Variants in CACNA2D4 observed in about 807,000 individuals in gnomAD.
CACNA2D4 encodes calcium voltage-gated channel auxiliary subunit alpha2delta 4, also known as voltage-dependent calcium channel subunit alpha-2/delta-4.
In CACNA2D4, 157 loss-of-function variants were observed where a neutral mutation model predicts 163.8. The ratio of observed to expected loss-of-function variants is 0.96; its 90% confidence interval spans 0.84 to 1.09. The LOEUF is 1.09. CACNA2D4 is among the 50% of genes least tolerant of loss of function. The probability of loss-of-function intolerance (pLI) is 0.00; values close to 1 mark genes in which losing one functional copy is unlikely to be tolerated. For synonymous variants in CACNA2D4, 598 were observed against 586.9 expected, an observed-to-expected ratio of 1.02 and a Z score of -0.27; for missense variants, 1,410 against 1,479.9, an observed-to-expected ratio of 0.95 and a Z score of 0.78.
In CACNA2D4 at chr12:1,844,508, G is replaced by A. The variant is rs755249762; in HGVS notation, c.2364C>T (p.Asp788=). The A allele has an allele frequency of 2.4e-5, 39 of 1,612,914 alleles. No homozygotes were observed. The Admixed American group carries it at 2.5e-4, about 10-fold the overall frequency. ...GGTCCAGGGTGAACACGCTGGCCTC[G>A]TCCTCAGGTGTCAGGAACTTCCTGC... ...VSDRKFLTPE[D]EASVFTLDRF... The change falls in exon 25 of 38, where the codon GAC becomes GAT. Residue 788 remains aspartate, a synonymous_variant. Transcript: ENST00000382722. This position sits in a 1 kb window ranked among gnomAD's most constrained non-coding sequence, Gnocchi z 4.2.
chr12:1,858,621 C>T lies in CACNA2D4; in HGVS notation c.1964G>A (p.Gly655Asp). The T allele has an allele frequency of 6.2e-7, 1 of 1,610,514 alleles. No homozygotes were observed. Among genetic ancestry groups the T allele is most frequent in the South Asian group, 1.1e-5 (1 of 90,424 alleles). Residue 655 changes from glycine (G) to aspartate (D), a missense_variant, in exon 20 of 38, where the codon GGC becomes GAC. Coordinates refer to ENST00000382722, the MANE Select transcript of CACNA2D4 (RefSeq NM_172364.5). ...PFSLGVVLSRGHGEYILLGNT... is the reference protein window; with the variant it reads ...PFSLGVVLSRDHGEYILLGNT... ...CCCCAGAAGGATGTATTCTCCGTGG[C>T]CCCGGGACAGCACCACCCCCAAACT...
chr12:1,848,531 C>T (rs760765933), intron 23 of CACNA2D4, among the ~76,000 whole-genome samples: 6 of 152,080 alleles, frequency 3.9e-5, no homozygotes, highest in South Asian at 4.1e-4. Flanking sequence ...TTTATTTTTA[C>T]CCGAAATATC....
intron 2 of CACNA2D4, 141 bp from the exon 3 acceptor site, chr12:1,913,280 C>A: frequency 1.5e-6 from 1 of 669,462 alleles, no homozygotes. Context: ...TGAGGCCCAG[C>A]CCTCTCCTCC....
In CACNA2D4 at chr12:1,858,656, GAA is replaced by G. The variant is rs751559280; in HGVS notation, c.1941-14_1941-13del. 5.8e-5 allele frequency: 92 copies of G among 1,582,866 alleles called. No individual in the cohort carries two copies. The highest frequency in any genetic ancestry group is 7.7e-5 in the Non-Finnish European group (90 of 1,161,984). On this transcript the variant is annotated splice_polypyrimidine_tract_variant and intron_variant, in intron 19 of 37. Coordinates refer to ENST00000382722, the MANE Select transcript of CACNA2D4 (RefSeq NM_172364.5). ...GCACCACCCCCAAACTGTGGGGAGA[GAA>G]GAGAAGGCACTCATTCAGCAGCAGC...
Position 1,798,636 on chromosome 12 carries a change from C to T in CACNA2D4, c.2995+1039G>A, listed in dbSNP as rs191479579. 2.0e-5 allele frequency among the ~76,000 whole-genome samples: 3 copies of T among 152,294 alleles called. No individual in the cohort carries two copies. The East Asian group carries it at 5.8e-4, about 29-fold the overall frequency. On this transcript the variant is annotated intron_variant, in intron 34 of 37. Transcript: ENST00000382722. This position sits in a 1 kb window ranked among gnomAD's most constrained non-coding sequence, Gnocchi z 4.3. Reference sequence around the variant, plus strand: ...GCAGCACCTACGCCCCGGCCTGGGACTCCAAGTCCAGTGCGCCTTCACTGG... The same window carrying T: ...GCAGCACCTACGCCCCGGCCTGGGATTCCAAGTCCAGTGCGCCTTCACTGG...
rs1004933825 is a variant in CACNA2D4, at chr12:1,828,374, G to A, written c.2551+12365C>T. 1.3e-5 allele frequency among the ~76,000 whole-genome samples: 2 copies of A among 152,348 alleles called. No homozygotes were observed. The highest frequency in any genetic ancestry group is 2.4e-5 in the African/African-American group (1 of 41,586). On this transcript the variant is annotated intron_variant, in intron 26 of 37. Coordinates refer to ENST00000382722, the MANE Select transcript of CACNA2D4 (RefSeq NM_172364.5). This position sits in a 1 kb window ranked among gnomAD's most constrained non-coding sequence, Gnocchi z 4.2. The stretch of plus-strand genomic sequence containing the variant: ...CGAGGCTATGTTCTGGGAAGCCAGG[G>A]TCACGCCCACGGTGACAGCATCCCT...
intron 26 of CACNA2D4, chr12:1,831,581 C>T: frequency 7.0e-6 from 10 of 1,418,790 alleles, no homozygotes; most frequent in Non-Finnish European, 4.9e-6. Flanking sequence ...ACCTCTGGCC[C>T]CACACTTTCC....
intron 18 of CACNA2D4, among the ~76,000 whole-genome samples, chr12:1,860,621 G>A (rs1254306251): frequency 1.3e-5 from 2 of 152,204 alleles, no homozygotes; most frequent in African/African-American, 2.4e-5. Context: ...CTAGAGGGTT[G>A]AGGTTGGGGC....
intron 23 of CACNA2D4, among the ~76,000 whole-genome samples, chr12:1,852,135 T>G (rs1865296650): frequency 6.6e-6 from 1 of 152,232 alleles, no homozygotes; most frequent in Non-Finnish European, 1.5e-5. Context: ...TTAATTCTTC[T>G]GGGGTTTCCA....
At chr12:1,837,405 G>A (rs1864904736) in intron 26 of CACNA2D4, among the ~76,000 whole-genome samples, 2 of 152,134 alleles carry the variant, frequency 1.3e-5, no homozygotes, top group South Asian at 2.1e-4. Flanking sequence ...GGTGGGCCCC[G>A]GAATTACGGA....
intron 1 of CACNA2D4, 131 bp downstream of exon 1, chr12:1,918,116 C>T (rs1316729758): frequency 3.9e-5 from 27 of 699,806 alleles, no homozygotes; most frequent in Middle Eastern, 5.8e-4. Flanking sequence ...AGTGGTCAGT[C>T]GCAGCCACTG....
chr12:1,917,073 G>A lies in CACNA2D4; in HGVS notation c.227+1174C>T, dbSNP rs1343388330. ...AACATCTCCTGCAGCAACAGATAGC[G>A]TTACGGGCTGGCGGCGGGTGTAATG... On this transcript the variant is annotated intron_variant, in intron 1 of 37. Transcript: ENST00000382722. This position sits in a 1 kb window ranked among gnomAD's most constrained non-coding sequence, Gnocchi z 4.3. Among the ~76,000 whole-genome samples, 4 of 152,194 alleles carry A rather than the reference G, an allele frequency of 2.6e-5. No individual in the cohort carries two copies. The highest frequency in any genetic ancestry group is 2.1e-4 in the South Asian group (1 of 4,836).
chr12:1,828,544 G>A lies in CACNA2D4; in HGVS notation c.2551+12195C>T, dbSNP rs902852530. ...AGCTCTGCTGGAATGCAGGCCTGCT[G>A]AGTCTTAAACAGCCTCACTGGTGCC... On this transcript the variant is annotated intron_variant, in intron 26 of 37. Transcript: ENST00000382722. This position sits in a 1 kb window ranked among gnomAD's most constrained non-coding sequence, Gnocchi z 4.2. Among the ~76,000 whole-genome samples the A allele has an allele frequency of 1.3e-5, 2 of 152,230 alleles. No homozygotes were observed. The highest frequency in any genetic ancestry group is 2.9e-5 in the Non-Finnish European group (2 of 68,038).
chr12:1,836,954 C>T (rs1864883011), intron 26 of CACNA2D4, among the ~76,000 whole-genome samples: 1 of 152,174 alleles, frequency 6.6e-6, no homozygotes, highest in Admixed American at 6.5e-5. Flanking sequence ...TGGATCAGAG[C>T]CAGGCCCTGT....
At chr12:1,867,767 C>T (rs1207509095) in intron 18 of CACNA2D4, among the ~76,000 whole-genome samples, 1 of 151,700 alleles carries the variant, frequency 6.6e-6, no homozygotes, top group Non-Finnish European at 1.5e-5. Context: ...CAAAAAACAA[C>T]ACCACCACCC....
At chr12:1,865,163 C>T (rs559994243) in intron 18 of CACNA2D4, among the ~76,000 whole-genome samples, 4 of 152,312 alleles carry the variant, frequency 2.6e-5, no homozygotes, top group Admixed American at 6.5e-5. Context: ...GGCGCCGTGG[C>T]GGGGAAGGCG....
chr12:1,848,784 T>TTATTATTATTA (rs1565709339), intron 23 of CACNA2D4, among the ~76,000 whole-genome samples: 42 of 37,342 alleles, frequency 1.1e-3, no homozygotes, highest in African/African-American at 3.5e-3. Flanking sequence ...TATTATTATT[T>TTATTATTATTA]TTATTTAAAG....
intron 26 of CACNA2D4, chr12:1,831,508 A>G: frequency 6.2e-7 from 1 of 1,613,062 alleles, no homozygotes; most frequent in Non-Finnish European, 8.5e-7. Context: ...CACTGGATGG[A>G]GTGGTTCTCC....
chr12:1,808,147 CGAGGGACCCTG>C (rs1271091457), intron 29 of CACNA2D4, among the ~76,000 whole-genome samples: 1 of 152,056 alleles, frequency 6.6e-6, no homozygotes, highest in Non-Finnish European at 1.5e-5. Flanking sequence ...GAGGGTCCCT[CGAGGGACCCTG>C]GAGGGACCCT....
Sources: gnomAD v4.1 joint callset for allele counts (sites outside exome capture counted in the v4.1 genomes callset) on GRCh38, gnomAD v4.1.1 for gene constraint, Gnocchi (gnomAD v3.1) non-coding constraint, MANE v1.5 for transcripts, NCBI Gene and HGNC (gene_info 2026-07-23, HGNC 2026-07-21) for gene names.